The following ETNK1 variants were observed in gnomAD, a reference collection of about 807,000 sequenced individuals.
ETNK1 encodes putative protein product of Nbla10396.
ETNK1 carries 8 observed loss-of-function variants against 45.1 expected under a neutral mutation model. That is an observed-to-expected ratio of 0.18 (90% CI 0.10 to 0.32). The LOEUF is 0.32. ETNK1 is among the 10% of genes least tolerant of loss of function. The pLI, the probability that ETNK1 is intolerant of heterozygous loss-of-function variation, is 1.00. For missense variants in ETNK1, 302 were observed against 430.6 expected (o/e 0.70, Z 2.64); for synonymous variants, 152 against 151.9 (o/e 1.00, Z -0.01).
At chr12:22,662,269 G>A (rs58284134) in intron 4 of ETNK1, among the ~76,000 whole-genome samples, 5 of 120,040 alleles carry the variant, frequency 4.2e-5, no homozygotes, top group African/African-American at 1.6e-4. Context: ...TTTTTTTTTA[G>A]AAGAGATAGA....
rs4963793 is a variant in ETNK1, at chr12:22,661,102, A to G, written c.597A>G (p.Glu199=). ...SDIPSSQILQ[E]EMTWMKEILS... ...TCCCAAGCTCTCAGATTCTCCAGGA[A>G]GAGATGACTTGGATGAAGGAGATTC... Residue 199 remains glutamate (E), a synonymous_variant, in exon 4 of 8, where the codon GAA becomes GAG. Transcript: ENST00000266517. The G allele has an allele frequency of 0.14, 223,583 of 1,611,224 alleles. 24,521 individuals carry two copies. The highest frequency in any genetic ancestry group is 0.69 in the East Asian group (30,575 of 44,612).
intron 1 of ETNK1, among the ~76,000 whole-genome samples, chr12:22,642,930 G>C (rs1463676573): frequency 1.3e-5 from 2 of 151,898 alleles, no homozygotes; most frequent in Admixed American, 6.6e-5. Flanking sequence ...CTAATTACCT[G>C]TTTCCTTTTG....
chr12:22,680,503 T>C (rs969331587), intron 6 of ETNK1, among the ~76,000 whole-genome samples: 12 of 152,200 alleles, frequency 7.9e-5, no homozygotes, highest in Non-Finnish European at 2.9e-5. Flanking sequence ...AGAGTCATTT[T>C]GTGCGGGCAT....
intron 4 of ETNK1, among the ~76,000 whole-genome samples, chr12:22,669,299 A>G (rs1954083213): frequency 6.6e-6 from 1 of 151,180 alleles, no homozygotes; most frequent in South Asian, 2.1e-4. Flanking sequence ...ATTTATTTCT[A>G]TTACTTATTG....
chr12:22,669,490 T>C (rs1954086285), intron 4 of ETNK1, among the ~76,000 whole-genome samples: 1 of 152,166 alleles, frequency 6.6e-6, no homozygotes, highest in Non-Finnish European at 1.5e-5. Context: ...TATCTCCTTT[T>C]CATGACATTT....
chr12:22,627,127 G>A (rs566940689), intron 1 of ETNK1, among the ~76,000 whole-genome samples: 3 of 151,382 alleles, frequency 2.0e-5, no homozygotes, highest in Admixed American at 6.6e-5. Flanking sequence ...AGTAATAATA[G>A]CTACTGTGGG....
At chr12:22,643,111 T>A (rs1953759829) in intron 1 of ETNK1, among the ~76,000 whole-genome samples, 1 of 152,014 alleles carries the variant, frequency 6.6e-6, no homozygotes, top group Admixed American at 6.6e-5. Flanking sequence ...TAAATTATAA[T>A]AGTCAAAACT....
At chr12:22,639,672 C>CAAAA (rs61530753) in intron 1 of ETNK1, among the ~76,000 whole-genome samples, 1 of 138,510 alleles carries the variant, frequency 7.2e-6, no homozygotes. Flanking sequence ...CTGAGACTCT[C>CAAAA]AAAAAAAAAA....
chr12:22,630,665 C>T (rs1174079281), intron 1 of ETNK1, among the ~76,000 whole-genome samples: 1 of 152,042 alleles, frequency 6.6e-6, no homozygotes, highest in Admixed American at 6.6e-5. Flanking sequence ...GGCTGGAGTG[C>T]AGTGGTGTGA....
intron 4 of ETNK1, among the ~76,000 whole-genome samples, chr12:22,670,369 A>ATT (rs72477831): frequency 6.9e-6 from 1 of 145,050 alleles, no homozygotes; most frequent in Non-Finnish European, 1.5e-5. Context: ...ACCCACATTG[A>ATT]TTTTTTTTTT....
intron 1 of ETNK1, among the ~76,000 whole-genome samples, chr12:22,628,983 T>C (rs1351010598): frequency 1.3e-5 from 2 of 152,094 alleles, no homozygotes; most frequent in Non-Finnish European, 1.5e-5. Context: ...GTCCAGATTC[T>C]ATACTTTACT....
chr12:22,647,446 C>T (rs1953820820), intron 2 of ETNK1, among the ~76,000 whole-genome samples: 1 of 151,820 alleles, frequency 6.6e-6, no homozygotes, highest in Non-Finnish European at 1.5e-5. Flanking sequence ...AAGTTATATG[C>T]TGTATTTCTG....
intron 4 of ETNK1, among the ~76,000 whole-genome samples, chr12:22,670,366 T>A (rs1474768802): frequency 7.5e-6 from 1 of 133,170 alleles, no homozygotes; most frequent in African/African-American, 2.5e-5. Context: ...GTGACCCACA[T>A]TGATTTTTTT....
chr12:22,645,958 A>T (rs984029472), intron 2 of ETNK1, among the ~76,000 whole-genome samples: 1 of 151,846 alleles, frequency 6.6e-6, no homozygotes, highest in East Asian at 1.9e-4. Context: ...GAAACCAAAC[A>T]TCAATACTCT....
intron 1 of ETNK1, chr12:22,625,814 A>C: frequency 1.4e-6 from 1 of 739,366 alleles, no homozygotes; most frequent in Admixed American, 2.0e-5. Flanking sequence ...CTCTTTCTAG[A>C]AGCCGCTGCG....
At position 22,659,316 on chromosome 12, in the gene ETNK1, A is replaced by G. The variant is rs149036485; in HGVS notation, c.557+162A>G. The stretch of plus-strand genomic sequence containing the variant: ...TTTGGCTGTCAGATAGCACTACAGA[A>G]ATAACTGCCTCTCCATCCCCCTCAG... On this transcript the variant is annotated intron_variant, in intron 3 of 7. Coordinates refer to ENST00000266517, the MANE Select transcript of ETNK1 (RefSeq NM_018638.5). Among the ~76,000 whole-genome samples the G allele has an allele frequency of 8.5e-3, 1,299 of 152,270 alleles. 9 individuals are homozygous for G. The highest frequency in any genetic ancestry group is 0.012 in the Non-Finnish European group (800 of 68,018).
intron 1 of ETNK1, among the ~76,000 whole-genome samples, chr12:22,630,438 G>T (rs1472824): frequency 2.0e-5 from 3 of 152,120 alleles, no homozygotes; most frequent in Non-Finnish European, 4.4e-5. Context: ...TCATAGAGGT[G>T]GGGGTACCTG....
intron 2 of ETNK1, among the ~76,000 whole-genome samples, chr12:22,647,411 G>A (rs1395756528): frequency 6.6e-6 from 1 of 151,796 alleles, no homozygotes; most frequent in African/African-American, 2.4e-5. Context: ...GAAATCAAAA[G>A]GACAATATAT....
chr12:22,683,118 G>T (rs4963842), intron 6 of ETNK1, among the ~76,000 whole-genome samples: 47,324 of 152,014 alleles, frequency 0.31, 8,320 homozygotes, highest in Non-Finnish European at 0.41. Context: ...CGCACCACGT[G>T]AAGTGCTTAA....
Sources: gnomAD v4.1 joint callset for allele counts (sites outside exome capture counted in the v4.1 genomes callset) on GRCh38, gnomAD v4.1.1 for gene constraint, MANE v1.5 for transcripts, NCBI Gene and HGNC (gene_info 2026-07-23, HGNC 2026-07-21) for gene names.